The following ACBD6 variants were observed in gnomAD, a reference collection of about 807,000 sequenced individuals.
ACBD6 encodes acyl-CoA binding domain containing 6, also known as acyl-CoA-binding domain-containing protein 6.
In ACBD6, 28 loss-of-function variants were observed where a neutral mutation model predicts 37.2. The ratio of observed to expected loss-of-function variants is 0.75; its 90% CI spans 0.56 to 1.03. The LOEUF (loss-of-function observed/expected upper bound fraction) is 1.03. Ranked by LOEUF, ACBD6 falls within the 50% of genes least tolerant of loss-of-function variation. ACBD6 has a pLI of 0.00. For synonymous variants in ACBD6, 113 were observed against 126.8 expected (o/e 0.89, Z 0.73); for missense variants, 340 against 337.4 (o/e 1.01, Z -0.06).
rs115286768 is a variant in ACBD6, at chr1:180,392,972, T to G, written c.663+4544A>C. 5.5e-3 allele frequency among the ~76,000 whole-genome samples: 839 copies of G among 152,314 alleles called. 5 individuals are homozygous for G. The highest frequency in any genetic ancestry group is 0.019 in the African/African-American group (804 of 41,576). On this transcript the variant is annotated intron_variant, in intron 6 of 7. Transcript: ENST00000367595. ...ACACATACACCACAGATGCTCCTAC[T>G]CCTCCTACCAATAAATGTTCAGCAT...
At position 180,390,027 on chromosome 1, in the gene ACBD6, C is replaced by T. The variant is rs1020938371; in HGVS notation, c.663+7489G>A. 4.0e-3 allele frequency among the ~76,000 whole-genome samples: 602 copies of T among 151,936 alleles called. 2 individuals carry two copies. The highest frequency in any genetic ancestry group is 0.011 in the African/African-American group (467 of 41,452). ...TTTAATTAGATCCTATTTGTCAATT[C>T]TGGCTTTTGTTGCCATTGCTTTTGG... On this transcript the variant is annotated intron_variant, in intron 6 of 7. Coordinates refer to ENST00000367595, the MANE Select transcript of ACBD6 (RefSeq NM_032360.4).
chr1:180,369,635 T>A (rs1044626344), intron 6 of ACBD6, among the ~76,000 whole-genome samples: 9 of 152,086 alleles, frequency 5.9e-5, no homozygotes, highest in Non-Finnish European at 1.0e-4. Context: ...ATAAAAAAAA[T>A]TTCTAAAAAA....
At chr1:180,497,775 C>G (rs971653509) in intron 1 of ACBD6, among the ~76,000 whole-genome samples, 4 of 152,082 alleles carry the variant, frequency 2.6e-5, no homozygotes. Flanking sequence ...ATGCTGCATC[C>G]AGTCTACTGC....
intron 13 of ACBD6, chr1:180,272,051 C>G (rs957954772): frequency 3.8e-6 from 6 of 1,563,224 alleles, no homozygotes; most frequent in Non-Finnish European, 5.2e-6. Context: ...AGGAAAGTCC[C>G]CTGGGAATCT....
intron 3 of ACBD6, among the ~76,000 whole-genome samples, chr1:180,458,138 T>A (rs938782173): frequency 6.6e-6 from 1 of 152,180 alleles, no homozygotes; most frequent in Non-Finnish European, 1.5e-5. Flanking sequence ...AATCCTAATA[T>A]ATCTTTCCTA....
chr1:180,271,898 T>C (rs1192585482), exon 14 of ACBD6: 1 of 1,613,454 alleles, frequency 6.2e-7, no homozygotes, highest in Non-Finnish European at 8.5e-7. Flanking sequence ...GCGGCACCGC[T>C]GGGGGCAGTT....
intron 3 of ACBD6, among the ~76,000 whole-genome samples, chr1:180,438,746 T>A (rs1649158088): frequency 6.6e-6 from 1 of 152,160 alleles, no homozygotes; most frequent in South Asian, 2.1e-4. Flanking sequence ...CTGATGAGCC[T>A]ATATTAATAC....
intron 3 of ACBD6, among the ~76,000 whole-genome samples, chr1:180,457,832 G>A (rs947558467): frequency 4.2e-5 from 6 of 141,650 alleles, no homozygotes; most frequent in Admixed American, 1.5e-4. Context: ...CGCTCTTGTC[G>A]CCCAGCCTGG....
intron 3 of ACBD6, among the ~76,000 whole-genome samples, chr1:180,491,886 T>TGC (rs1651517061): frequency 6.6e-6 from 1 of 152,214 alleles, no homozygotes; most frequent in African/African-American, 2.4e-5. Context: ...TTTGGCTCAC[T>TGC]GCAGCCTCAG....
chr1:180,339,288 C>T (rs1317866187), intron 6 of ACBD6, among the ~76,000 whole-genome samples: 1 of 152,156 alleles, frequency 6.6e-6, no homozygotes, highest in Admixed American at 6.5e-5. Context: ...ACCCAAATGT[C>T]CATCAGTGAC....
At chr1:180,403,662 T>C (rs1222742976) in intron 5 of ACBD6, among the ~76,000 whole-genome samples, 1 of 152,116 alleles carries the variant, frequency 6.6e-6, no homozygotes, top group Non-Finnish European at 1.5e-5. Flanking sequence ...AGTCAAAAGG[T>C]AAGAGCAAAC....
intron 3 of ACBD6, among the ~76,000 whole-genome samples, chr1:180,457,501 T>C (rs1279411293): frequency 6.6e-6 from 1 of 151,988 alleles, no homozygotes; most frequent in African/African-American, 2.4e-5. Flanking sequence ...CCTACAAGAC[T>C]AGGAAAAAAT....
chr1:180,382,380 T>C (rs996575675), intron 6 of ACBD6, among the ~76,000 whole-genome samples: 10 of 151,902 alleles, frequency 6.6e-5, no homozygotes, highest in African/African-American at 2.2e-4. Flanking sequence ...ACATTGAAAC[T>C]GATACCATAG....
chr1:180,451,154 G>T (rs1649687312), intron 3 of ACBD6, among the ~76,000 whole-genome samples: 2 of 152,170 alleles, frequency 1.3e-5, no homozygotes, highest in African/African-American at 4.8e-5. Context: ...TTAAAAGGTG[G>T]TCAATATCAT....
At chr1:180,375,888 C>T (rs1186104602) in intron 6 of ACBD6, among the ~76,000 whole-genome samples, 1 of 151,824 alleles carries the variant, frequency 6.6e-6, no homozygotes, top group Non-Finnish European at 1.5e-5. Context: ...TAAACAAAAT[C>T]AACAGACAAA....
rs71121019 is a variant in ACBD6 at position 180,443,779 on chromosome 1, A to ATTT, written c.385-13520_385-13518dup. On this transcript the variant is annotated intron_variant, in intron 3 of 7. Transcript: ENST00000367595. ...AGACACCCGCCACCACGCCCAGCTA[A>ATTT]TTTTTTTTTTTTTTTTTGTATTTTT... Among the ~76,000 whole-genome samples the ATTT allele has an allele frequency of 1.1e-3, 147 of 134,092 alleles. 5 individuals are homozygous for ATTT. Among genetic ancestry groups the ATTT allele is most frequent in the South Asian group, 5.3e-3 (22 of 4,150 alleles). The allele number at this position is 134,092 out of a possible 152,430, so 88.0% of individuals were successfully genotyped here.
At chr1:180,365,702 G>A (rs1356175307) in intron 6 of ACBD6, among the ~76,000 whole-genome samples, 4 of 151,966 alleles carry the variant, frequency 2.6e-5, no homozygotes, top group Non-Finnish European at 4.4e-5. Flanking sequence ...GTTTACCTAC[G>A]GTCCACAATA....
intron 7 of ACBD6, among the ~76,000 whole-genome samples, chr1:180,295,735 C>T (rs769352968): frequency 9.2e-5 from 14 of 152,104 alleles, no homozygotes; most frequent in Non-Finnish European, 1.9e-4. Flanking sequence ...CCATGAACTG[C>T]ACCCATATAA....
At chr1:180,391,063 C>T (rs1017682493) in intron 6 of ACBD6, among the ~76,000 whole-genome samples, 3 of 152,110 alleles carry the variant, frequency 2.0e-5, no homozygotes, top group Admixed American at 2.0e-4. Flanking sequence ...AAGAGTGCTA[C>T]AATGACTTAA....
Sources: allele counts gnomAD v4.1 joint callset (sites outside exome capture counted in the v4.1 genomes callset), GRCh38; gene constraint gnomAD v4.1.1; transcripts MANE v1.5; gene names NCBI Gene and HGNC (gene_info 2026-07-23, HGNC 2026-07-21).